PLCE1: variants seen among roughly 807,000 people sequenced by gnomAD.
PLCE1 encodes the protein 1-phosphatidylinositol 4,5-bisphosphate phosphodiesterase epsilon-1.
In PLCE1, 119 loss-of-function variants were observed where a neutral mutation model predicts 242.8. The ratio of observed to expected loss-of-function variants is 0.49; its 90% CI spans 0.42 to 0.57. PLCE1 has a LOEUF of 0.57. PLCE1 is among the 20% of genes least tolerant of loss of function. The pLI is 0.00. For missense variants in PLCE1, 2,441 were observed against 2,788.8 expected (o/e 0.88, Z 2.81); for synonymous variants, 945 against 1,017.4 (o/e 0.93, Z 1.35).
intron 3 of PLCE1, among the ~76,000 whole-genome samples, chr10:94,154,053 A>T (rs967537323): frequency 6.6e-6 from 1 of 152,184 alleles, no homozygotes; most frequent in Non-Finnish European, 1.5e-5. Flanking sequence ...TTTTTTAAAG[A>T]TTTCTTATTT....
intron 4 of PLCE1, among the ~76,000 whole-genome samples, chr10:94,209,954 T>A (rs1443148283): frequency 6.6e-6 from 1 of 152,072 alleles, no homozygotes. Context: ...AGAAGAGAGA[T>A]TAAATAATTG....
chr10:94,092,483 A>T (rs1372607036), intron 2 of PLCE1, among the ~76,000 whole-genome samples: 1 of 152,256 alleles, frequency 6.6e-6, no homozygotes, highest in Non-Finnish European at 1.5e-5. Flanking sequence ...ATATTCCTTC[A>T]TAAGGAAGGG....
At chr10:94,156,970 A>G (rs1347999985) in intron 3 of PLCE1, among the ~76,000 whole-genome samples, 1 of 152,158 alleles carries the variant, frequency 6.6e-6, no homozygotes, top group East Asian at 1.9e-4. Context: ...CATAGAGAGA[A>G]GAGCTGACGA....
rs182918265 is a variant in PLCE1, at chr10:94,321,804, A to G, written c.6343-97A>G. The G allele has an allele frequency of 1.8e-3, 1,553 of 859,286 alleles. 6 individuals are homozygous for G. The highest frequency in any genetic ancestry group is 2.1e-3 in the Non-Finnish European group (1,096 of 526,662). 53.2% of individuals were successfully genotyped at this position (859,286 alleles called of 1,614,324 possible). A position where few individuals can be genotyped will look rare whatever the true frequency, so the allele number is the denominator to read the frequency against. On this transcript the variant is annotated intron_variant, in intron 29 of 32. Coordinates refer to ENST00000371380, the MANE Select transcript of PLCE1 (RefSeq NM_016341.4). ...TGAGATATTAAGCTAAGAAGTTTCT[A>G]CATCACCAAGATACAAGCTCAGATT...
At chr10:94,174,127 C>T (rs938879591) in intron 4 of PLCE1, among the ~76,000 whole-genome samples, 5 of 152,164 alleles carry the variant, frequency 3.3e-5, no homozygotes, top group Non-Finnish European at 7.4e-5. Context: ...TTCTTAAAAT[C>T]TCATTCAGTT....
chr10:94,090,573 G>A (rs2045026275), intron 2 of PLCE1, among the ~76,000 whole-genome samples: 1 of 152,210 alleles, frequency 6.6e-6, no homozygotes, highest in Non-Finnish European at 1.5e-5. Flanking sequence ...GTGAATGTCT[G>A]TGGTCTTTGT....
chr10:94,211,056 C>T (rs575319955), intron 4 of PLCE1, among the ~76,000 whole-genome samples: 5 of 152,332 alleles, frequency 3.3e-5, no homozygotes, highest in Admixed American at 2.6e-4. Context: ...TCTTGGACTC[C>T]GTTCAGCCTG....
At position 94,301,874 on chromosome 10, in the gene PLCE1, A is replaced by G. The variant is rs1036269939; in HGVS notation, c.5459-2608A>G. 3.3e-5 allele frequency among the ~76,000 whole-genome samples: 5 copies of G among 151,942 alleles called. No individual in the cohort carries two copies. In the East Asian group the frequency reaches 9.6e-4, roughly 29 times the overall value. On this transcript the variant is annotated intron_variant, in intron 24 of 32. Coordinates refer to ENST00000371380, the MANE Select transcript of PLCE1 (RefSeq NM_016341.4). ...AGTCAAAAGAAAAACTTCTTTTTTTAAAGAATTTATTAAGCTTTTTTGAAT... is the reference window on the plus strand; with the variant it reads ...AGTCAAAAGAAAAACTTCTTTTTTTGAAGAATTTATTAAGCTTTTTTGAAT...
At position 94,298,659 on chromosome 10, in the gene PLCE1, C is replaced by A; in HGVS notation, c.5448C>A (p.Tyr1816Ter). Residue 1816 changes from tyrosine to a stop codon, truncating the protein, a stop_gained, in exon 24 of 33, where the codon TAC becomes TAA. Coordinates refer to ENST00000371380, the MANE Select transcript of PLCE1 (RefSeq NM_016341.4). LOFTEE classifies it high-confidence loss of function. The surrounding 1 kb of genome is among the most constrained non-coding windows in gnomAD (Gnocchi z 5.2). ...GGATACAGCTTGTGGCACTCAACTA[C>A]CAGACTGATGGTAAGGGGCCTGCAT... is the stretch of plus-strand genomic sequence containing the variant. ...LHGIQLVALN[Y>*]QTDDLPLHLN... 6.2e-7 allele frequency: 1 copy of A among 1,614,114 alleles called. No individual in the cohort carries two copies. Among genetic ancestry groups the A allele is most frequent in the Non-Finnish European group, 8.5e-7 (1 of 1,180,002 alleles).
chr10:94,032,085 A>G lies in PLCE1; in HGVS notation c.1039A>G (p.Ile347Val), dbSNP rs1176141437. ...ATCTGTGTATACTGGAACAAGAGCA[A>G]TTGTGAGAACTCTGCCTTCTGGCCA... is the stretch of plus-strand genomic sequence containing the variant. ...KKSVYTGTRA[I>V]VRTLPSGHIG... is the part of the protein sequence containing the mutation. Residue 347 changes from isoleucine (I) to valine (V), a missense_variant, in exon 2 of 33, where the codon ATT becomes GTT. By Grantham distance (29) the Ile-to-Val change is conservative. Coordinates refer to ENST00000371380, the MANE Select transcript of PLCE1 (RefSeq NM_016341.4). The G allele has an allele frequency of 2.5e-6, 4 of 1,612,124 alleles. No individual in the cohort carries two copies. The highest frequency in any genetic ancestry group is 2.2e-5 in the East Asian group (1 of 44,848).
intron 2 of PLCE1, chr10:94,089,157 C>G: frequency 6.2e-7 from 1 of 1,613,884 alleles, no homozygotes; most frequent in Non-Finnish European, 8.5e-7. Context: ...TGAGGCAGCT[C>G]CACGTGAGAT....
At chr10:94,261,801 G>A (rs1368203852) in intron 13 of PLCE1, among the ~76,000 whole-genome samples, 1 of 152,098 alleles carries the variant, frequency 6.6e-6, no homozygotes, top group African/African-American at 2.4e-5. Flanking sequence ...ATAAAAATCT[G>A]TAAACAAATG....
chr10:94,040,066 C>A (rs1472146676), intron 2 of PLCE1, among the ~76,000 whole-genome samples: 1 of 152,076 alleles, frequency 6.6e-6, no homozygotes, highest in African/African-American at 2.4e-5. Context: ...CTTGGACATT[C>A]ATCTCCTTCT....
At chr10:94,299,804 G>A (rs1362683603) in intron 24 of PLCE1, among the ~76,000 whole-genome samples, 1 of 152,220 alleles carries the variant, frequency 6.6e-6, no homozygotes, top group African/African-American at 2.4e-5. Flanking sequence ...TTCTGCCCTT[G>A]TTATATGTGC....
Position 94,306,380 on chromosome 10 carries a change from T to C in PLCE1, c.5623-47T>C. ...CAGTGAGGTGCAGAGGTTGTCTTTCTTTTTTATCCTCGGTGACTTTGATCC... is the reference window on the plus strand; with the variant it reads ...CAGTGAGGTGCAGAGGTTGTCTTTCCTTTTTATCCTCGGTGACTTTGATCC... On this transcript the variant is annotated intron_variant, in intron 25 of 32. Coordinates refer to ENST00000371380, the MANE Select transcript of PLCE1 (RefSeq NM_016341.4). The surrounding 1 kb of genome is among the most constrained non-coding windows in gnomAD (Gnocchi z 5.7). 3 of 1,613,680 alleles carry C rather than the reference T, an allele frequency of 1.9e-6. No homozygotes were observed. The highest frequency in any genetic ancestry group is 2.5e-6 in the Non-Finnish European group (3 of 1,179,654).
At chr10:94,162,524 C>T (rs551023029) in intron 3 of PLCE1, among the ~76,000 whole-genome samples, 73 of 151,896 alleles carry the variant, frequency 4.8e-4, no homozygotes, top group East Asian at 4.4e-3. Context: ...TTTTTTATTG[C>T]GTCTATTTGA....
At chr10:94,143,948 G>T (rs1267163424) in intron 3 of PLCE1, among the ~76,000 whole-genome samples, 1 of 152,210 alleles carries the variant, frequency 6.6e-6, no homozygotes, top group Admixed American at 6.5e-5. Flanking sequence ...GAAACACCCT[G>T]TGTGACAGTA....
At chr10:94,281,884 G>A (rs1179249943) in intron 20 of PLCE1, among the ~76,000 whole-genome samples, 1 of 151,742 alleles carries the variant, frequency 6.6e-6, no homozygotes, top group Non-Finnish European at 1.5e-5. Flanking sequence ...CTAACCACAT[G>A]CCTTTGATTA....
chr10:94,001,273 G>C (rs1050672654), intron 1 of PLCE1, among the ~76,000 whole-genome samples: 1 of 152,186 alleles, frequency 6.6e-6, no homozygotes, highest in Non-Finnish European at 1.5e-5. Flanking sequence ...TCTCTTCTTA[G>C]TAGTGGCATC....
Sources: allele counts gnomAD v4.1 joint callset (sites outside exome capture counted in the v4.1 genomes callset), GRCh38; gene constraint gnomAD v4.1.1; non-coding constraint Gnocchi (gnomAD v3.1); transcripts MANE v1.5; gene names NCBI Gene and HGNC (gene_info 2026-07-23, HGNC 2026-07-21).